Variants in DACH1 observed in about 807,000 individuals in gnomAD.
DACH1 encodes the protein dachshund family transcription factor 1, also known as dachshund homolog 1.
DACH1 carries 12 observed loss-of-function variants against 54.2 expected under a neutral mutation model. That is an observed-to-expected ratio of 0.22 (90% CI 0.14 to 0.36). DACH1 has a LOEUF of 0.36. DACH1 is among the 10% of genes least tolerant of loss of function. DACH1 has a pLI of 1.00. For synonymous variants in DACH1, 386 were observed against 366.2 expected, an observed-to-expected ratio of 1.05 and a Z score of -0.62; for missense variants, 805 against 929.8, an observed-to-expected ratio of 0.87 and a Z score of 1.75.
chr13:71,702,388 C>T (rs1882183272), intron 1 of DACH1, among the ~76,000 whole-genome samples: 1 of 152,100 alleles, frequency 6.6e-6, no homozygotes, highest in Non-Finnish European at 1.5e-5. Context: ...GAAAATAATT[C>T]TGGGCTTGTA....
Position 71,489,154 on chromosome 13 carries a change from T to A in DACH1, c.1571-6A>T. On this transcript the variant is annotated splice_polypyrimidine_tract_variant and splice_region_variant and intron_variant, in intron 6 of 10. Coordinates refer to ENST00000613252, the MANE Select transcript of DACH1 (RefSeq NM_080759.6). Reference sequence around the variant, plus strand: ...TGTAGAAAGCGGGGTCTCATCTGCATGTGATTGAAACAAAAATATAGAACA... The same window carrying A: ...TGTAGAAAGCGGGGTCTCATCTGCAAGTGATTGAAACAAAAATATAGAACA... 6.2e-7 allele frequency: 1 copy of A among 1,610,476 alleles called. No individual in the cohort carries two copies. The highest frequency in any genetic ancestry group is 8.5e-7 in the Non-Finnish European group (1 of 1,177,956).
Position 71,626,290 on chromosome 13 carries a change from G to C in DACH1, c.1126+4266C>G, listed in dbSNP as rs1002078886. Among the ~76,000 whole-genome samples, 4 of 151,924 alleles carry C rather than the reference G, an allele frequency of 2.6e-5. No homozygotes were observed. In the East Asian group the frequency reaches 5.8e-4, roughly 22 times the overall value. The stretch of plus-strand genomic sequence containing the variant: ...ATATTTATATACTATTTAAAAACTA[G>C]AAGTAAAATTAAGTTTCCTTTATTT... On this transcript the variant is annotated intron_variant, in intron 3 of 10. Coordinates refer to ENST00000613252, the MANE Select transcript of DACH1 (RefSeq NM_080759.6).
At chr13:71,849,094 C>A (rs909011987) in intron 1 of DACH1, among the ~76,000 whole-genome samples, 5 of 151,804 alleles carry the variant, frequency 3.3e-5, no homozygotes, top group African/African-American at 1.2e-4. Flanking sequence ...ATATTAATGA[C>A]AATTTCTTTT....
At chr13:71,609,362 T>C (rs1875130128) in intron 3 of DACH1, among the ~76,000 whole-genome samples, 1 of 152,162 alleles carries the variant, frequency 6.6e-6, no homozygotes, top group African/African-American at 2.4e-5. Flanking sequence ...CACAATGATA[T>C]GTGGATAAGA....
chr13:71,628,082 G>T (rs1235582444), intron 3 of DACH1, among the ~76,000 whole-genome samples: 1 of 152,058 alleles, frequency 6.6e-6, no homozygotes, highest in Non-Finnish European at 1.5e-5. Flanking sequence ...CAGATATGGA[G>T]TTTTGGGCTC....
intron 2 of DACH1, among the ~76,000 whole-genome samples, chr13:71,652,830 C>T (rs1418739935): frequency 3.3e-5 from 5 of 152,240 alleles, no homozygotes; most frequent in South Asian, 2.1e-4. Context: ...TTGTACCCTC[C>T]ATAGCATAAA....
chr13:71,637,421 AAAGTACCTAAC>A (rs1877569192), intron 2 of DACH1, among the ~76,000 whole-genome samples: 1 of 152,180 alleles, frequency 6.6e-6, no homozygotes, highest in African/African-American at 2.4e-5. Context: ...AATAGGACAA[AAAGTACCTAAC>A]AGCATAGGGT....
chr13:71,557,259 CTAT>C (rs1234752153), intron 5 of DACH1, 101 bp from the exon 6 acceptor site: 1 of 888,534 alleles, frequency 1.1e-6, no homozygotes, highest in Non-Finnish European at 1.6e-6. Context: ...TCAACAGTAA[CTAT>C]AATATTAATA....
chr13:71,625,662 T>C (rs1447422908), intron 3 of DACH1, among the ~76,000 whole-genome samples: 4 of 152,012 alleles, frequency 2.6e-5, no homozygotes, highest in Non-Finnish European at 2.9e-5. Context: ...TTCTACATTC[T>C]TGTAACGATT....
At chr13:71,450,814 C>CCA (rs1189684155) in intron 10 of DACH1, among the ~76,000 whole-genome samples, 1 of 152,148 alleles carries the variant, frequency 6.6e-6, no homozygotes, top group Non-Finnish European at 1.5e-5. Context: ...ATCAAACCAA[C>CCA]CACATTCCCT....
chr13:71,836,688 C>A (rs1001909377), intron 1 of DACH1, among the ~76,000 whole-genome samples: 1 of 152,036 alleles, frequency 6.6e-6, no homozygotes, highest in Non-Finnish European at 1.5e-5. Flanking sequence ...CTCTTCATAT[C>A]GCCTTCAAAT....
chr13:71,762,000 T>G (rs1885417554), intron 1 of DACH1, among the ~76,000 whole-genome samples: 1 of 152,148 alleles, frequency 6.6e-6, no homozygotes, highest in Non-Finnish European at 1.5e-5. Context: ...ATATTGATAA[T>G]TGAGTGCCTG....
intron 6 of DACH1, among the ~76,000 whole-genome samples, chr13:71,518,730 C>T (rs766507053): frequency 6.6e-6 from 1 of 151,480 alleles, no homozygotes; most frequent in African/African-American, 2.4e-5. Context: ...ACAGGGGTGA[C>T]TGAAATAAAC....
At chr13:71,447,329 C>A (rs919627189) in intron 10 of DACH1, among the ~76,000 whole-genome samples, 1 of 151,586 alleles carries the variant, frequency 6.6e-6, no homozygotes, top group Admixed American at 6.6e-5. Context: ...AGGAGACAGA[C>A]AGGAGAATTC....
intron 6 of DACH1, among the ~76,000 whole-genome samples, chr13:71,513,034 A>G (rs1880900486): frequency 6.6e-6 from 1 of 151,934 alleles, no homozygotes; most frequent in Admixed American, 6.6e-5. Context: ...CGGTAAAGAA[A>G]TATGCACAGA....
intron 1 of DACH1, among the ~76,000 whole-genome samples, chr13:71,706,783 T>C (rs1404714095): frequency 6.6e-6 from 1 of 152,198 alleles, no homozygotes; most frequent in Non-Finnish European, 1.5e-5. Flanking sequence ...AATTCTCATA[T>C]TAAAGTCAAG....
At chr13:71,771,351 A>AATC (rs1566490229) in intron 1 of DACH1, among the ~76,000 whole-genome samples, 4 of 148,616 alleles carry the variant, frequency 2.7e-5, no homozygotes, top group African/African-American at 9.8e-5. Flanking sequence ...ATAAATAAAT[A>AATC]AATAAATCTT....
At chr13:71,588,152 G>A (rs748196450) in intron 3 of DACH1, among the ~76,000 whole-genome samples, 3 of 152,048 alleles carry the variant, frequency 2.0e-5, no homozygotes, top group African/African-American at 4.8e-5. Context: ...TACTAACAAC[G>A]CTTTTTTTCC....
intron 1 of DACH1, among the ~76,000 whole-genome samples, chr13:71,744,768 G>A (rs1056357625): frequency 3.3e-5 from 5 of 152,114 alleles, no homozygotes; most frequent in African/African-American, 9.7e-5. Context: ...ATACAAAAAG[G>A]AAAGGAACTT....
Sources: allele counts gnomAD v4.1 joint callset (sites outside exome capture counted in the v4.1 genomes callset), GRCh38; gene constraint gnomAD v4.1.1; transcripts MANE v1.5; gene names NCBI Gene and HGNC (gene_info 2026-07-23, HGNC 2026-07-21).